RPS6KA4: variants seen among roughly 807,000 people sequenced by gnomAD.
The protein encoded by RPS6KA4 is ribosomal protein S6 kinase alpha-4.
A neutral mutation model predicts 89.6 loss-of-function variants in RPS6KA4; 38 were observed. The observed-to-expected ratio is 0.42, with a 90% CI of 0.33 to 0.56. RPS6KA4 has a LOEUF of 0.56. Ranked by LOEUF, RPS6KA4 falls within the 20% of genes least tolerant of loss-of-function variation. The pLI, the probability that RPS6KA4 is intolerant of heterozygous loss-of-function variation, is 0.07. For missense variants in RPS6KA4, 873 were observed against 1,098.8 expected (o/e 0.79, Z 2.90); for synonymous variants, 495 against 492.8 (o/e 1.00, Z -0.06).
chr11:64,371,442 G>GC lies in RPS6KA4; in HGVS notation c.2287dup (p.Arg763ProfsTer41), dbSNP rs775563793. On this transcript the variant is annotated frameshift_variant, in exon 17 of 17. Transcript: ENST00000334205. LOFTEE classifies it high-confidence loss of function. ...CCGAGCCCCCGTCGCCTCCAAAGGG[G>GC]CCCCCCGCCGAGCCAACGGCCCCCT... is the stretch of plus-strand genomic sequence containing the variant. 3.8e-5 allele frequency: 59 copies of GC among 1,570,694 alleles called. No individual in the cohort carries two copies. Among genetic ancestry groups the GC allele is most frequent in the Admixed American group, 3.2e-4 (17 of 53,822 alleles).
Position 64,359,231 on chromosome 11 carries a change from C to T in RPS6KA4, c.-5C>T. On this transcript the variant is annotated 5_prime_UTR_variant, in exon 1 of 17. Transcript: ENST00000334205. ...AGCCGCGCGGGCCCCAGCGACCCGC[C>T]CGCCATGGGGGACGAGGACGACGAT... The T allele has an allele frequency of 5.2e-6, 7 of 1,358,208 alleles. No individual in the cohort carries two copies. The highest frequency in any genetic ancestry group is 3.0e-5 in the East Asian group (1 of 32,862). The allele number at this position is 1,358,208 out of a possible 1,614,324, so 84.1% of individuals were successfully genotyped here.
chr11:64,365,160 G>T, intron 8 of RPS6KA4, 141 bp from the exon 9 acceptor site: 1 of 858,474 alleles, frequency 1.2e-6, no homozygotes. Context: ...AGAAGCCAGG[G>T]AGGCAGGAGG....
intron 16 of RPS6KA4, 29 bp from the exon 17 acceptor site, chr11:64,371,254 G>T (rs529160048): frequency 1.6e-5 from 25 of 1,606,062 alleles, no homozygotes; most frequent in Non-Finnish European, 1.9e-5. Context: ...AGGCGGGGGT[G>T]GGGGCACTCA....
chr11:64,371,236 C>T (rs1235075386), intron 16 of RPS6KA4, 47 bp from the exon 17 acceptor site: 1 of 1,582,264 alleles, frequency 6.3e-7, no homozygotes, highest in Non-Finnish European at 8.7e-7. Flanking sequence ...GATCTGGAAG[C>T]CGGGGTCAGG....
chr11:64,371,189 C>T (rs1203346396), intron 16 of RPS6KA4, 94 bp from the exon 17 acceptor site: 2 of 1,238,760 alleles, frequency 1.6e-6, no homozygotes, highest in South Asian at 1.3e-5. Flanking sequence ...TTGACCTAGG[C>T]GGCTGGAGGC....
Position 64,359,272 on chromosome 11 carries a change from G to T in RPS6KA4, c.37G>T (p.Glu13Ter). 1 of 1,556,226 alleles carries T rather than the reference G, an allele frequency of 6.4e-7. No individual in the cohort carries two copies. Among genetic ancestry groups the T allele is most frequent in the East Asian group, 2.4e-5 (1 of 42,120 alleles). Reference sequence around the variant, plus strand: ...GGACGACGATGAGAGCTGCGCCGTGGAGCTGCGGATCACAGAAGGTGGGTG... The same window carrying T: ...GGACGACGATGAGAGCTGCGCCGTGTAGCTGCGGATCACAGAAGGTGGGTG... ...DEDDDESCAV[E>*]LRITEANLTG... Residue 13 changes from glutamate (E) to a stop codon, truncating the protein, a stop_gained, in exon 1 of 17, where the codon GAG becomes TAG. Transcript: ENST00000334205. LOFTEE classifies it high-confidence loss of function.
Position 64,368,046 on chromosome 11 carries a change from C to T in RPS6KA4, c.1072-86C>T, listed in dbSNP as rs2036930678. On this transcript the variant is annotated intron_variant, in intron 9 of 16. Transcript: ENST00000334205. ...CACTGCCCCCTTGTCCAGGGTCTTG[C>T]CTTTGCCTGGTTCCCCACCAGAGTC... 16 of 1,485,788 alleles carry T rather than the reference C, an allele frequency of 1.1e-5. No individual in the cohort carries two copies. The South Asian group carries it at 1.7e-4, about 16-fold the overall frequency. 92.0% of individuals were successfully genotyped at this position (1,485,788 alleles called of 1,614,324 possible).
intron 13 of RPS6KA4, 32 bp downstream of exon 13, chr11:64,369,651 C>T (rs1270436593): frequency 6.3e-7 from 1 of 1,599,950 alleles, no homozygotes; most frequent in Admixed American, 1.7e-5. Context: ...CGGGGCGGAG[C>T]GGTGGCGCCG....
At position 64,371,685 on chromosome 11, in the gene RPS6KA4, G is replaced by A; in HGVS notation, c.*205G>A. The A allele has an allele frequency of 8.1e-6, 4 of 492,604 alleles. No individual in the cohort carries two copies. The South Asian group carries it at 1.2e-4, about 15-fold the overall frequency. 30.5% of individuals were successfully genotyped at this position (492,604 alleles called of 1,614,324 possible). A position where few individuals can be genotyped will look rare whatever the true frequency, so the allele number is the denominator to read the frequency against. On this transcript the variant is annotated 3_prime_UTR_variant, in exon 17 of 17. Coordinates refer to ENST00000334205, the MANE Select transcript of RPS6KA4 (RefSeq NM_003942.3). ...ACCAGATAGAGTTGCAGGGAAGGGG[G>A]GGCCTGCTGGGGAGTGGGGTTTGGG...
chr11:64,360,443 G>C, intron 3 of RPS6KA4, 34 bp from the exon 4 acceptor site: 1 of 1,596,682 alleles, frequency 6.3e-7, no homozygotes, highest in Non-Finnish European at 8.5e-7. Flanking sequence ...GCCACCTGAC[G>C]GGGCTGCTTC....
chr11:64,359,920 C>G (rs529314252), intron 2 of RPS6KA4: 1 of 579,774 alleles, frequency 1.7e-6, no homozygotes, highest in South Asian at 2.1e-5. Context: ...CGCAGCAGGC[C>G]CCCTGGAGAT....
intron 8 of RPS6KA4, among the ~76,000 whole-genome samples, chr11:64,362,896 C>T (rs958503576): frequency 6.6e-6 from 1 of 152,150 alleles, no homozygotes; most frequent in African/African-American, 2.4e-5. Flanking sequence ...GTCTTGAACT[C>T]CTGACCTCAA....
chr11:64,370,542 A>G lies in RPS6KA4; in HGVS notation c.1958-21A>G. The G allele has an allele frequency of 6.3e-7, 1 of 1,588,472 alleles. No individual in the cohort carries two copies. The highest frequency in any genetic ancestry group is 8.5e-7 in the Non-Finnish European group (1 of 1,172,110). On this transcript the variant is annotated intron_variant, in intron 15 of 16. Coordinates refer to ENST00000334205, the MANE Select transcript of RPS6KA4 (RefSeq NM_003942.3). This position sits in a 1 kb window ranked among gnomAD's most constrained non-coding sequence, Gnocchi z 4.1. ...GCCTTTACGCCAGGCTCCTCCCCACACTTCCTTGCCCCGCCTCCAGGGCTC... is the reference window on the plus strand; with the variant it reads ...GCCTTTACGCCAGGCTCCTCCCCACGCTTCCTTGCCCCGCCTCCAGGGCTC...
At position 64,370,910 on chromosome 11, in the gene RPS6KA4, C is replaced by G. The variant is rs1015134229; in HGVS notation, c.2121+184C>G. 6.6e-6 allele frequency among the ~76,000 whole-genome samples: 1 copy of G among 151,878 alleles called. No individual in the cohort carries two copies. The highest frequency in any genetic ancestry group is 1.5e-5 in the Non-Finnish European group (1 of 67,964). Reference sequence around the variant, plus strand: ...CACGAGGTCAGGGGTTCGAGACCAGCCTGAACAACATGGTGAAACCCCGTC... The same window carrying G: ...CACGAGGTCAGGGGTTCGAGACCAGGCTGAACAACATGGTGAAACCCCGTC... On this transcript the variant is annotated intron_variant, in intron 16 of 16. Transcript: ENST00000334205. This position sits in a 1 kb window ranked among gnomAD's most constrained non-coding sequence, Gnocchi z 4.1.
At chr11:64,363,554 T>C (rs550715195) in intron 8 of RPS6KA4, among the ~76,000 whole-genome samples, 2 of 152,210 alleles carry the variant, frequency 1.3e-5, no homozygotes, top group South Asian at 4.2e-4. Flanking sequence ...TGCAGTGGCA[T>C]GATCATGGCT....
chr11:64,370,488 T>A lies in RPS6KA4; in HGVS notation c.1958-75T>A, dbSNP rs1445258043. 1.9e-6 allele frequency: 3 copies of A among 1,596,024 alleles called. No homozygotes were observed. The Admixed American group carries it at 5.2e-5, about 28-fold the overall frequency. ...GTTGGGGATGGGTAGGGGAGGAGAG[T>A]GGGGCTGTTACGATCTCTTTGGGGC... On this transcript the variant is annotated intron_variant, in intron 15 of 16. Transcript: ENST00000334205. This position sits in a 1 kb window ranked among gnomAD's most constrained non-coding sequence, Gnocchi z 4.1.
chr11:64,360,128 A>G (rs2036703029), intron 2 of RPS6KA4, 35 bp from the exon 3 acceptor site: 1 of 1,515,846 alleles, frequency 6.6e-7, no homozygotes. Context: ...TCTCCCGCTC[A>G]CAGCCCACCC....
chr11:64,363,692 A>G (rs931869527), intron 8 of RPS6KA4, among the ~76,000 whole-genome samples: 1 of 152,062 alleles, frequency 6.6e-6, no homozygotes, highest in African/African-American at 2.4e-5. Flanking sequence ...GGGATTCACC[A>G]TGTTGGCCAG....
rs577470393 is a variant in RPS6KA4, at chr11:64,369,409, G to C, written c.1429-37G>C. 22 of 1,539,082 alleles carry C rather than the reference G, an allele frequency of 1.4e-5. No homozygotes were observed. The South Asian group carries it at 2.5e-4, about 17-fold the overall frequency. ...TGGTGGGAGGGGGCTTGCCGCCGTG[G>C]GTGGGTGTTGACCTTGGCCCGCCAC... On this transcript the variant is annotated intron_variant, in intron 12 of 16. Coordinates refer to ENST00000334205, the MANE Select transcript of RPS6KA4 (RefSeq NM_003942.3).
Sources: gnomAD v4.1 joint callset for allele counts (sites outside exome capture counted in the v4.1 genomes callset) on GRCh38, gnomAD v4.1.1 for gene constraint, Gnocchi (gnomAD v3.1) non-coding constraint, MANE v1.5 for transcripts, NCBI Gene and HGNC (gene_info 2026-07-23, HGNC 2026-07-21) for gene names.